Variants in HECW1 observed in about 807,000 individuals in gnomAD.
HECW1 encodes HECT, C2 and WW domain containing E3 ubiquitin protein ligase 1.
A neutral mutation model predicts 182.3 loss-of-function variants in HECW1; 61 were observed. The observed-to-expected ratio is 0.33, with a 90% CI of 0.27 to 0.41. HECW1 has a LOEUF of 0.41. Ranked by LOEUF, HECW1 falls within the 10% of genes least tolerant of loss-of-function variation. The pLI, the probability that HECW1 is intolerant of heterozygous loss-of-function variation, is 1.00. For synonymous variants in HECW1, 859 were observed against 832.6 expected, an observed-to-expected ratio of 1.03 and a Z score of -0.55; for missense variants, 1,739 against 2,108.9, an observed-to-expected ratio of 0.82 and a Z score of 3.44.
At chr7:43,287,638 C>T (rs1198635002) in intron 3 of HECW1, among the ~76,000 whole-genome samples, 1 of 131,080 alleles carries the variant, frequency 7.6e-6, no homozygotes, top group Non-Finnish European at 1.5e-5. Context: ...ATGTGCATCC[C>T]TGATTTAGGT....
chr7:43,307,536 C>T (rs904534417), intron 3 of HECW1, among the ~76,000 whole-genome samples: 2 of 152,102 alleles, frequency 1.3e-5, no homozygotes, highest in Non-Finnish European at 2.9e-5. Context: ...GAATCACTGT[C>T]TAGGAAGACA....
intron 5 of HECW1, among the ~76,000 whole-genome samples, chr7:43,324,765 C>G (rs1230473250): frequency 1.3e-5 from 2 of 152,150 alleles, no homozygotes; most frequent in African/African-American, 2.4e-5. Context: ...TGAAGTACAA[C>G]AGAAGCTCAT....
At chr7:43,163,758 G>A (rs1291906390) in intron 2 of HECW1, among the ~76,000 whole-genome samples, 1 of 152,154 alleles carries the variant, frequency 6.6e-6, no homozygotes, top group East Asian at 1.9e-4. Context: ...ACATGTGGCT[G>A]CCAGGAACCC....
intron 2 of HECW1, among the ~76,000 whole-genome samples, chr7:43,238,158 G>T (rs1798555419): frequency 6.6e-6 from 1 of 152,224 alleles, no homozygotes; most frequent in African/African-American, 2.4e-5. Flanking sequence ...CACCACAGAT[G>T]TGCCTCAGAT....
intron 21 of HECW1, among the ~76,000 whole-genome samples, chr7:43,505,034 C>T (rs2079521028): frequency 6.6e-6 from 1 of 152,210 alleles, no homozygotes; most frequent in African/African-American, 2.4e-5. Context: ...CCTTCTGGGA[C>T]ACCACTCCAG....
intron 19 of HECW1, among the ~76,000 whole-genome samples, chr7:43,493,397 A>G (rs889475008): frequency 6.6e-6 from 1 of 152,226 alleles, no homozygotes; most frequent in South Asian, 2.1e-4. Context: ...CATATCATTT[A>G]TATGGTACTG....
chr7:43,444,515 A>G lies in HECW1; in HGVS notation c.1343A>G (p.Asp448Gly). 1 of 1,611,838 alleles carries G rather than the reference A, an allele frequency of 6.2e-7. No individual in the cohort carries two copies. Among genetic ancestry groups the G allele is most frequent in the East Asian group, 2.2e-5 (1 of 44,822 alleles). The change falls in exon 11 of 30, where the codon GAC (aspartate) becomes GGC (glycine). Residue 448 changes from aspartate to glycine, a missense_variant. Asp to Gly is a moderately conservative substitution (Grantham distance 94, BLOSUM62 -1). This residue lies in a region of HECW1 where 971 missense variants were observed against 1,029.1 expected (regional missense o/e 0.94). Transcript: ENST00000395891. This position sits in a 1 kb window ranked among gnomAD's most constrained non-coding sequence, Gnocchi z 4.3. ...GAGCTCCTGGCCCAGGTGCAAAAGG[A>G]CATCCAGCCTGCCCCCAGTGCAGAA... is the stretch of plus-strand genomic sequence containing the variant. ...AGELLAQVQKDIQPAPSAEEL... is the reference protein window; with the variant it reads ...AGELLAQVQKGIQPAPSAEEL...
chr7:43,538,255 A>G (rs1563103335), intron 24 of HECW1, among the ~76,000 whole-genome samples: 2 of 152,242 alleles, frequency 1.3e-5, no homozygotes, highest in East Asian at 3.9e-4. Flanking sequence ...CAAAGGGAGA[A>G]ACTGGATGAG....
At chr7:43,131,250 G>A (rs936254052) in intron 2 of HECW1, among the ~76,000 whole-genome samples, 1 of 152,190 alleles carries the variant, frequency 6.6e-6, no homozygotes. Context: ...GGGCAACAGA[G>A]TGAGACTCTA....
At chr7:43,341,239 A>G (rs1812946553) in intron 5 of HECW1, among the ~76,000 whole-genome samples, 1 of 151,432 alleles carries the variant, frequency 6.6e-6, no homozygotes, top group African/African-American at 2.4e-5. Flanking sequence ...CAGCAAACTA[A>G]CATTGCACAT....
At chr7:43,423,133 A>C (rs2076249439) in intron 8 of HECW1, among the ~76,000 whole-genome samples, 1 of 152,230 alleles carries the variant, frequency 6.6e-6, no homozygotes, top group Non-Finnish European at 1.5e-5. Flanking sequence ...CATTAGCACA[A>C]AAAAATCACA....
At chr7:43,403,145 C>G (rs984539820) in intron 7 of HECW1, among the ~76,000 whole-genome samples, 6 of 152,118 alleles carry the variant, frequency 3.9e-5, no homozygotes, top group African/African-American at 1.4e-4. Flanking sequence ...TGAGGACCCC[C>G]TGTAACAGAA....
At chr7:43,160,820 A>G (rs1364209312) in intron 2 of HECW1, among the ~76,000 whole-genome samples, 2 of 152,178 alleles carry the variant, frequency 1.3e-5, no homozygotes, top group African/African-American at 4.8e-5. Context: ...CACCTCAGGG[A>G]CAAGCTCTTT....
At position 43,444,765 on chromosome 7, in the gene HECW1, AAGC is replaced by A; in HGVS notation, c.1596_1598del (p.Ser532del). 6.2e-7 allele frequency: 1 copy of A among 1,614,020 alleles called. No homozygotes were observed. The highest frequency in any genetic ancestry group is 8.5e-7 in the Non-Finnish European group (1 of 1,179,968). On this transcript the variant is annotated inframe_deletion, in exon 11 of 30. Transcript: ENST00000395891. The surrounding 1 kb of genome is among the most constrained non-coding windows in gnomAD (Gnocchi z 4.3). ...AGCTGCGGGCCTCGGTGAAGAGAAA[AAGC>A]AGGCCCTGCTCCTTGCCTGTGTCCG...
rs181939988 is a variant in HECW1, at chr7:43,139,712, G to A, written c.-32+25321G>A. ...TTTAACACAATTTTATATTGTTCCC[G>A]GCTTCTAATCTTTTAATTTACTTTC... On this transcript the variant is annotated intron_variant, in intron 2 of 29. Coordinates refer to ENST00000395891, the MANE Select transcript of HECW1 (RefSeq NM_015052.5). Among the ~76,000 whole-genome samples, 16 of 151,686 alleles carry A rather than the reference G, an allele frequency of 1.1e-4. No individual in the cohort carries two copies. In the East Asian group the frequency reaches 2.1e-3, roughly 20 times the overall value.
chr7:43,234,965 T>C (rs1031154764), intron 2 of HECW1, among the ~76,000 whole-genome samples: 2 of 152,246 alleles, frequency 1.3e-5, no homozygotes, highest in African/African-American at 4.8e-5. Context: ...TGGGTCCCTG[T>C]GCAGGCCTCT....
chr7:43,247,889 G>C (rs1799569238), intron 3 of HECW1, among the ~76,000 whole-genome samples: 2 of 136,930 alleles, frequency 1.5e-5, no homozygotes, highest in Non-Finnish European at 3.1e-5. Context: ...AGAAAGGGAG[G>C]GAGAGAGGAA....
intron 19 of HECW1, among the ~76,000 whole-genome samples, chr7:43,498,770 T>C (rs2079214445): frequency 6.6e-6 from 1 of 152,104 alleles, no homozygotes; most frequent in East Asian, 1.9e-4. Flanking sequence ...TGGATCAGAG[T>C]GCATTTCCCT....
chr7:43,286,262 T>C (rs1394410645), intron 3 of HECW1, among the ~76,000 whole-genome samples: 3 of 152,106 alleles, frequency 2.0e-5, no homozygotes, highest in African/African-American at 7.2e-5. Flanking sequence ...ACCTCTGAGA[T>C]CCAACTATTG....
Sources: gnomAD v4.1 joint callset for allele counts (sites outside exome capture counted in the v4.1 genomes callset) on GRCh38, gnomAD v4.1.1 for gene constraint, gnomAD v4.1.1 regional missense constraint, Gnocchi (gnomAD v3.1) non-coding constraint, MANE v1.5 for transcripts, NCBI Gene and HGNC (gene_info 2026-07-23, HGNC 2026-07-21) for gene names.